The following DAB1 variants were observed in gnomAD, a reference collection of about 807,000 sequenced individuals.
DAB1 encodes the protein DAB adaptor protein 1, also known as disabled homolog 1.
Under a neutral mutation model 64.6 loss-of-function variants are expected in DAB1, and 15 were observed. The observed-to-expected ratio is 0.23, with a 90% CI of 0.16 to 0.36. DAB1 has a LOEUF of 0.36. Among genes scored for constraint, DAB1 ranks in the 10% least tolerant of loss-of-function variants. DAB1 has a pLI of 1.00. For missense variants in DAB1, 596 were observed against 706.7 expected (o/e 0.84, Z 1.78); for synonymous variants, 235 against 251.9 (o/e 0.93, Z 0.64).
intron 3 of DAB1, among the ~76,000 whole-genome samples, chr1:58,394,803 T>C (rs1201784891): frequency 2.6e-5 from 4 of 152,134 alleles, no homozygotes; most frequent in Admixed American, 2.0e-4. Flanking sequence ...CCAATGAAAG[T>C]GTTCTGTTTC....
intron 4 of DAB1, among the ~76,000 whole-genome samples, chr1:57,111,511 G>A (rs1009410631): frequency 6.6e-6 from 1 of 152,050 alleles, no homozygotes; most frequent in Non-Finnish European, 1.5e-5. Flanking sequence ...TGCTAGCACT[G>A]GTCCACCTGC....
At chr1:57,178,495 A>T (rs1259108795) in intron 2 of DAB1, among the ~76,000 whole-genome samples, 1 of 152,324 alleles carries the variant, frequency 6.6e-6, no homozygotes, top group Non-Finnish European at 1.5e-5. Context: ...TAGAATATGC[A>T]TTGTGCCAGC....
At chr1:57,818,379 C>T (rs1651965792) in intron 6 of DAB1, among the ~76,000 whole-genome samples, 1 of 152,142 alleles carries the variant, frequency 6.6e-6, no homozygotes, top group Non-Finnish European at 1.5e-5. Flanking sequence ...CCTCTAAGTC[C>T]TCCCTAGAAG....
At chr1:58,229,241 T>C (rs1659662315) in intron 4 of DAB1, among the ~76,000 whole-genome samples, 1 of 152,210 alleles carries the variant, frequency 6.6e-6, no homozygotes, top group African/African-American at 2.4e-5. Flanking sequence ...AATGCTGAGA[T>C]TATAAGCCTG....
chr1:57,951,459 G>A lies in DAB1; in HGVS notation n.388-67297C>T, dbSNP rs980474183. 7.9e-5 allele frequency among the ~76,000 whole-genome samples: 12 copies of A among 151,540 alleles called. 1 individual carries two copies. The highest frequency in any genetic ancestry group is 6.3e-4 in the South Asian group (3 of 4,794). ...TGACTTATCCAGTTGTTTCAGTTCT[G>A]TGAAGCTTCCCTATTGCAAAGCTCT... On this transcript the variant is annotated intron_variant and non_coding_transcript_variant, in intron 5 of 20. Coordinates refer to the DAB1 transcript ENST00000485760.
intron 1 of DAB1, among the ~76,000 whole-genome samples, chr1:57,353,744 C>G (rs570002326): frequency 1.9e-4 from 29 of 152,264 alleles, no homozygotes; most frequent in African/African-American, 7.0e-4. Flanking sequence ...TTTGCTACAG[C>G]TCCCTGCTCC....
chr1:57,730,051 T>C lies in DAB1; in HGVS notation n.552-80386A>G, dbSNP rs148528074. ...ATAGACATCATTGTCTCTGGTCTTA[T>C]CTACTATGCTCTGTTATTGGGTTAT... is the stretch of plus-strand genomic sequence containing the variant. On this transcript the variant is annotated intron_variant and non_coding_transcript_variant, in intron 6 of 20. Coordinates refer to the DAB1 transcript ENST00000485760. 3.7e-3 allele frequency among the ~76,000 whole-genome samples: 568 copies of C among 152,340 alleles called. 3 individuals carry two copies. The highest frequency in any genetic ancestry group is 0.012 in the African/African-American group (517 of 41,572).
chr1:58,204,117 C>A (rs1199939828), intron 4 of DAB1, among the ~76,000 whole-genome samples: 1 of 152,136 alleles, frequency 6.6e-6, no homozygotes, highest in Admixed American at 6.5e-5. Context: ...TTTGAACTGC[C>A]ATCATTTGAT....
intron 3 of DAB1, among the ~76,000 whole-genome samples, chr1:58,345,280 A>AT (rs1205370400): frequency 2.0e-5 from 3 of 152,080 alleles, no homozygotes; most frequent in Non-Finnish European, 2.9e-5. Context: ...CTGCAAGCTC[A>AT]TTTTTTCTAC....
intron 3 of DAB1, among the ~76,000 whole-genome samples, chr1:58,501,822 G>A (rs1645911049): frequency 2.0e-5 from 3 of 152,252 alleles, no homozygotes; most frequent in Admixed American, 1.3e-4. Context: ...AGGCCTAAAA[G>A]GAGGTAACTA....
At chr1:57,442,069 G>T (rs964821943) in intron 7 of DAB1, among the ~76,000 whole-genome samples, 3 of 152,018 alleles carry the variant, frequency 2.0e-5, no homozygotes, top group African/African-American at 7.2e-5. Flanking sequence ...TGTTGTATAG[G>T]CTCATTTCTA....
chr1:57,985,202 C>T (rs1191385081), intron 5 of DAB1, among the ~76,000 whole-genome samples: 1 of 152,078 alleles, frequency 6.6e-6, no homozygotes, highest in African/African-American at 2.4e-5. Context: ...GCCACCACAC[C>T]CGGCCTGCTT....
At chr1:57,945,908 G>C (rs1273070329) in intron 5 of DAB1, among the ~76,000 whole-genome samples, 1 of 152,176 alleles carries the variant, frequency 6.6e-6, no homozygotes, top group Non-Finnish European at 1.5e-5. Flanking sequence ...CTAACGAAAA[G>C]ACAAATGTTA....
intron 4 of DAB1, among the ~76,000 whole-genome samples, chr1:58,197,597 T>C (rs1488261784): frequency 6.6e-6 from 1 of 151,980 alleles, no homozygotes; most frequent in East Asian, 1.9e-4. Flanking sequence ...GGTTTCACCA[T>C]GTTGGCCAGG....
chr1:58,163,456 G>T (rs1157071799), intron 4 of DAB1, among the ~76,000 whole-genome samples: 1 of 152,080 alleles, frequency 6.6e-6, no homozygotes, highest in Non-Finnish European at 1.5e-5. Flanking sequence ...CTATAAAGCT[G>T]GACAAAATTA....
chr1:57,566,412 A>G (rs1558500253), intron 7 of DAB1, among the ~76,000 whole-genome samples: 1 of 152,216 alleles, frequency 6.6e-6, no homozygotes. Context: ...AGAAGGCAAG[A>G]AATAACTAAG....
intron 5 of DAB1, among the ~76,000 whole-genome samples, chr1:58,122,950 T>C (rs192153209): frequency 5.1e-4 from 77 of 152,170 alleles, no homozygotes; most frequent in Admixed American, 2.1e-3. Context: ...GAGAAGAATA[T>C]ATCAGGAAAA....
intron 4 of DAB1, among the ~76,000 whole-genome samples, chr1:58,333,657 TA>T (rs2100497374): frequency 6.6e-6 from 1 of 152,340 alleles, no homozygotes; most frequent in East Asian, 1.9e-4. Flanking sequence ...TTTTGTATGC[TA>T]AAAAATGTAC....
intron 3 of DAB1, among the ~76,000 whole-genome samples, chr1:58,422,480 C>T (rs553145116): frequency 6.6e-6 from 1 of 152,112 alleles, no homozygotes; most frequent in Admixed American, 6.6e-5. Flanking sequence ...CCCAAAGCCA[C>T]ATCACAGGCC....
Sources: allele counts gnomAD v4.1 joint callset (sites outside exome capture counted in the v4.1 genomes callset), GRCh38; gene constraint gnomAD v4.1.1; transcripts MANE v1.5; gene names NCBI Gene and HGNC (gene_info 2026-07-23, HGNC 2026-07-21).